The following LRGUK variants were observed in gnomAD, a reference collection of about 807,000 sequenced individuals.
The protein encoded by LRGUK is leucine rich repeats and guanylate kinase domain containing.
LRGUK carries 65 observed loss-of-function variants against 76.0 expected under a neutral mutation model. The ratio of observed to expected loss-of-function variants is 0.85; its 90% CI spans 0.70 to 1.05. The LOEUF (loss-of-function observed/expected upper bound fraction) is 1.05, where lower values mean the gene tolerates loss of function less well. Ranked by LOEUF, LRGUK falls within the 50% of genes least tolerant of loss-of-function variation. The probability of loss-of-function intolerance (pLI) is 0.00; values close to 1 mark genes in which losing one functional copy is unlikely to be tolerated. For synonymous variants in LRGUK, 268 were observed against 265.6 expected (o/e 1.01, Z -0.09); for missense variants, 758 against 732.8 (o/e 1.03, Z -0.40).
chr7:134,223,233 C>T lies in LRGUK; in HGVS notation c.1983+1315C>T, dbSNP rs1420285320. 4.6e-5 allele frequency among the ~76,000 whole-genome samples: 7 copies of T among 152,288 alleles called. No homozygotes were observed. In the South Asian group the frequency reaches 1.4e-3, roughly 32 times the overall value. ...ATCCAGCCCTGACTGTCCTAGGCCT[C>T]TTGGCTCTGTGCTCATTCTTCCCGG... On this transcript the variant is annotated intron_variant, in intron 16 of 19. Transcript: ENST00000285928.
At chr7:134,135,458 C>T (rs1000800719) in intron 1 of LRGUK, among the ~76,000 whole-genome samples, 2 of 152,178 alleles carry the variant, frequency 1.3e-5, no homozygotes, top group African/African-American at 4.8e-5. Flanking sequence ...TGCTGTTTTT[C>T]AAGTGCCTTC....
intron 13 of LRGUK, among the ~76,000 whole-genome samples, chr7:134,197,836 T>A (rs1373664461): frequency 1.3e-5 from 2 of 152,184 alleles, no homozygotes; most frequent in African/African-American, 4.8e-5. Flanking sequence ...ATAGCTTTAT[T>A]ACATACTTGG....
chr7:134,261,407 C>T (rs1454488980), intron 19 of LRGUK, among the ~76,000 whole-genome samples: 2 of 152,054 alleles, frequency 1.3e-5, no homozygotes, highest in Non-Finnish European at 2.9e-5. Flanking sequence ...ATTAATCTCC[C>T]ATATTCTCTA....
chr7:134,206,280 C>G (rs73441342), intron 15 of LRGUK, among the ~76,000 whole-genome samples: 8,135 of 152,174 alleles, frequency 0.053, 452 homozygotes, highest in East Asian at 0.15. Context: ...ACTTTGGAAG[C>G]CCGAGGAGGG....
At chr7:134,208,616 G>A (rs960031587) in intron 15 of LRGUK, 6 of 397,480 alleles carry the variant, frequency 1.5e-5, no homozygotes, top group African/African-American at 1.0e-4. Flanking sequence ...GGGCCTATGT[G>A]CATCTAACAG....
At position 134,221,963 on chromosome 7, in the gene LRGUK, C is replaced by CAACTG. The variant is rs571242351; in HGVS notation, c.1983+47_1983+48insCTGAA. ...GGTGAAGCCACAACTGAGCTCTATA[C>CAACTG]AATGTCAGACAAAGAGGGGATTTAA... On this transcript the variant is annotated intron_variant, in intron 16 of 19. Coordinates refer to the LRGUK transcript ENST00000285928. 1.5e-4 allele frequency: 216 copies of CAACTG among 1,442,946 alleles called. No individual in the cohort carries two copies. The Admixed American group carries it at 1.8e-3, about 12-fold the overall frequency. The allele number at this position is 1,442,946 out of a possible 1,614,324, so 89.4% of individuals were successfully genotyped here.
chr7:134,273,956 C>T, the LRGUK span, among the ~76,000 whole-genome samples: 1 of 152,042 alleles, frequency 6.6e-6, no homozygotes, highest in African/African-American at 2.4e-5. Flanking sequence ...TATTGGTCTG[C>T]ATTTATTTTA....
intron 18 of LRGUK, 98 bp from the exon 19 acceptor site, chr7:134,258,156 TTGA>T (rs1351689932): frequency 7.0e-7 from 1 of 1,431,978 alleles, no homozygotes; most frequent in Non-Finnish European, 9.7e-7. Flanking sequence ...TACTGTGAAC[TTGA>T]TAAAGGTAAC....
chr7:134,129,419 A>C (rs1280284642), intron 1 of LRGUK, among the ~76,000 whole-genome samples: 432 of 1,546 alleles, frequency 0.28, 1 homozygote, highest in Middle Eastern at 0.5. Context: ...TCCCCTCCCC[A>C]CCCCTCCCTC....
In LRGUK at chr7:134,209,251, C is replaced by T. The variant is rs535832752; in HGVS notation, c.2388C>T (p.Gly796=). Residue 796 remains glycine, a synonymous_variant, in exon 16 of 16, where the codon GGC becomes GGT. Transcript: ENST00000645682. ...TGTCTGAACCTCTACAGGGACCTGG[C>T]CCCACTCCCCTCAGCCCTCAGAGAA... 666 of 399,094 alleles carry T rather than the reference C, an allele frequency of 1.7e-3. 1 individual carries two copies. Among genetic ancestry groups the T allele is most frequent in the African/African-American group, 0.013 (614 of 48,702 alleles). 24.7% of individuals were successfully genotyped at this position (399,094 alleles called of 1,614,324 possible). A position where few individuals can be genotyped will look rare whatever the true frequency, so the allele number is the denominator to read the frequency against.
chr7:134,269,379 C>G (rs1802919670), downstream of LRGUK, among the ~76,000 whole-genome samples: 1 of 126,354 alleles, frequency 7.9e-6, no homozygotes, highest in Non-Finnish European at 1.6e-5. Flanking sequence ...GAGACAGGGT[C>G]TCTCTCTCTG....
At chr7:134,162,697 C>T (rs1433347413) in intron 6 of LRGUK, among the ~76,000 whole-genome samples, 4 of 151,878 alleles carry the variant, frequency 2.6e-5, no homozygotes, top group African/African-American at 9.7e-5. Flanking sequence ...CATGGTGGTG[C>T]GTGCCTGTAG....
At chr7:134,159,725 G>GTT (rs1798642211) in intron 6 of LRGUK, among the ~76,000 whole-genome samples, 2 of 152,174 alleles carry the variant, frequency 1.3e-5, no homozygotes. Flanking sequence ...GGAGGCGGAG[G>GTT]TTGCAGTGAG....
chr7:134,143,006 C>A, intron 3 of LRGUK, 56 bp from the exon 4 acceptor site: 4 of 907,800 alleles, frequency 4.4e-6, no homozygotes, highest in Non-Finnish European at 7.3e-6. Context: ...GTTTTTAATG[C>A]CTTTGTCTTG....
intron 12 of LRGUK, 109 bp downstream of exon 12, chr7:134,191,860 T>C (rs1382927602): frequency 1.4e-6 from 1 of 735,826 alleles, no homozygotes; most frequent in Non-Finnish European, 2.1e-6. Flanking sequence ...TTTGTGCTTG[T>C]TATGAGAGGT....
intron 19 of LRGUK, among the ~76,000 whole-genome samples, chr7:134,262,836 T>G (rs1319131106): frequency 6.6e-6 from 1 of 152,004 alleles, no homozygotes; most frequent in African/African-American, 2.4e-5. Flanking sequence ...GATGTGGTGG[T>G]GGCATATGCC....
At chr7:134,249,015 A>G (rs762203388) in exon 18 of LRGUK, 2 of 1,604,778 alleles carry the variant, frequency 1.2e-6, no homozygotes, top group Admixed American at 1.7e-5. Flanking sequence ...AGAACTCTGG[A>G]AAAGTTTTGA....
intron 15 of LRGUK, among the ~76,000 whole-genome samples, chr7:134,205,663 A>G (rs1332404675): frequency 1.3e-5 from 2 of 152,240 alleles, no homozygotes; most frequent in Non-Finnish European, 2.9e-5. Flanking sequence ...CGCAATTAGG[A>G]AACTGGACTG....
intron 16 of LRGUK, among the ~76,000 whole-genome samples, chr7:134,228,916 G>A (rs1801824843): frequency 6.6e-6 from 1 of 152,064 alleles, no homozygotes; most frequent in Admixed American, 6.5e-5. Flanking sequence ...ATTCAACATG[G>A]TGTCAGAGGT....
Sources: allele counts gnomAD v4.1 joint callset (sites outside exome capture counted in the v4.1 genomes callset), GRCh38; gene constraint gnomAD v4.1.1; transcripts MANE v1.5; gene names NCBI Gene and HGNC (gene_info 2026-07-23, HGNC 2026-07-21).